The following EPB41L5 variants were observed in gnomAD, a reference collection of about 807,000 sequenced individuals.
EPB41L5 encodes erythrocyte membrane protein band 4.1 like 5.
A neutral mutation model predicts 106.6 loss-of-function variants in EPB41L5; 55 were observed. That is an observed-to-expected ratio of 0.52 (90% confidence interval 0.42 to 0.65). The LOEUF (loss-of-function observed/expected upper bound fraction) is 0.65, where lower values mean the gene tolerates loss of function less well. Ranked by LOEUF, EPB41L5 falls within the 30% of genes least tolerant of loss-of-function variation. The pLI, the probability that EPB41L5 is intolerant of heterozygous loss-of-function variation, is 0.00. For synonymous variants in EPB41L5, 297 were observed against 306.7 expected (o/e 0.97, Z 0.33); for missense variants, 871 against 882.1 (o/e 0.99, Z 0.16).
In EPB41L5 at chr2:120,078,590, G is replaced by A. The variant is rs548380845; in HGVS notation, c.803+9G>A. ...ATTGGCTTATTTTTTTGGTAAGCAAGAGTTATTGTCAAAGATACTTACTGT... is the reference window on the plus strand; with the variant it reads ...ATTGGCTTATTTTTTTGGTAAGCAAAAGTTATTGTCAAAGATACTTACTGT... On this transcript the variant is annotated intron_variant, in intron 10 of 24. Transcript: ENST00000263713. 84 of 1,582,464 alleles carry A rather than the reference G, an allele frequency of 5.3e-5. 1 individual carries two copies. In the South Asian group the frequency reaches 9.0e-4, roughly 17 times the overall value.
intron 14 of EPB41L5, among the ~76,000 whole-genome samples, chr2:120,094,107 C>T (rs1713074): frequency 0.26 from 39,628 of 152,006 alleles, 5,576 homozygotes; most frequent in African/African-American, 0.35. Context: ...CCACCTCTGC[C>T]TCCCAAGTAG....
intron 2 of EPB41L5, among the ~76,000 whole-genome samples, chr2:120,023,542 A>G (rs1046790731): frequency 2.0e-5 from 3 of 152,010 alleles, no homozygotes; most frequent in Admixed American, 2.0e-4. Context: ...ATTGGTCCGT[A>G]TGTCTGTTTT....
intron 3 of EPB41L5, among the ~76,000 whole-genome samples, chr2:120,048,206 G>A (rs1365751201): frequency 6.6e-6 from 1 of 152,052 alleles, no homozygotes; most frequent in East Asian, 1.9e-4. Context: ...CTCTTTCTCT[G>A]TCAATTGGAA....
intron 1 of EPB41L5, among the ~76,000 whole-genome samples, chr2:120,014,857 AG>A (rs1021667028): frequency 1.3e-5 from 2 of 152,014 alleles, no homozygotes; most frequent in African/African-American, 4.8e-5. Flanking sequence ...ATTTTAGAAC[AG>A]GGATCAGATT....
At chr2:120,129,297 C>G (rs977525440) in intron 17 of EPB41L5, among the ~76,000 whole-genome samples, 1 of 150,734 alleles carries the variant, frequency 6.6e-6, no homozygotes, top group Non-Finnish European at 1.5e-5. Context: ...GATTGTGCCA[C>G]TGAGCTCCAG....
chr2:120,076,959 T>C lies in EPB41L5; in HGVS notation c.506-12T>C. On this transcript the variant is annotated splice_polypyrimidine_tract_variant and intron_variant, in intron 7 of 24. Coordinates refer to ENST00000263713, the MANE Select transcript of EPB41L5 (RefSeq NM_020909.4). The stretch of plus-strand genomic sequence containing the variant: ...AGGAAATACATATAACTTTTGAAAC[T>C]TATGTTTATAGCTGAACTTGGTGAC... 1 of 1,575,752 alleles carries C rather than the reference T, an allele frequency of 6.3e-7. No homozygotes were observed. Among genetic ancestry groups the C allele is most frequent in the Non-Finnish European group, 8.6e-7 (1 of 1,162,204 alleles).
chr2:120,108,217 T>C (rs996913425), intron 16 of EPB41L5: 2 of 152,090 alleles, frequency 1.3e-5, no homozygotes, highest in African/African-American at 2.4e-5. Context: ...CTGGCCAGCA[T>C]TGTGTTTATA....
At position 120,069,739 on chromosome 2, in the gene EPB41L5, G is replaced by T. The variant is rs1039189163; in HGVS notation, c.286-3439G>T. Among the ~76,000 whole-genome samples, 105 of 152,246 alleles carry T rather than the reference G, an allele frequency of 6.9e-4. 2 individuals are homozygous for T. Among genetic ancestry groups the T allele is most frequent in the African/African-American group, 2.3e-3 (97 of 41,540 alleles). On this transcript the variant is annotated intron_variant, in intron 3 of 24. Coordinates refer to ENST00000263713, the MANE Select transcript of EPB41L5 (RefSeq NM_020909.4). Reference sequence around the variant, plus strand: ...ACTACTGGGTAAATAATGAAATTAAGGCAGAAATCAGTAAGTTCTTTGAAA... The same window carrying T: ...ACTACTGGGTAAATAATGAAATTAATGCAGAAATCAGTAAGTTCTTTGAAA...
rs1343439480 is a variant in EPB41L5, at chr2:120,146,614, A to G, written c.1793+325A>G. ...CAGTAAACTTTCATGTCATCCTGTT[A>G]TCACAATGGCCTTGTTCTTATCAAC... On this transcript the variant is annotated intron_variant, in intron 20 of 24. Coordinates refer to ENST00000263713, the MANE Select transcript of EPB41L5 (RefSeq NM_020909.4). Among the ~76,000 whole-genome samples the G allele has an allele frequency of 1.3e-5, 2 of 152,238 alleles. 1 individual carries two copies. Among genetic ancestry groups the G allele is most frequent in the Admixed American group, 1.3e-4 (2 of 15,280 alleles).
chr2:120,139,410 T>C (rs1053131540), intron 18 of EPB41L5, among the ~76,000 whole-genome samples: 2 of 151,884 alleles, frequency 1.3e-5, no homozygotes, highest in Non-Finnish European at 2.9e-5. Flanking sequence ...TGGTAGAAAA[T>C]ATCTGCAAAT....
chr2:120,065,043 A>G (rs956046531), intron 3 of EPB41L5, among the ~76,000 whole-genome samples: 3 of 152,184 alleles, frequency 2.0e-5, no homozygotes, highest in Non-Finnish European at 4.4e-5. Context: ...ATTATATATA[A>G]GTAGAAAAGA....
At chr2:120,056,603 G>GTTTGCCAGTATTTGATGATTAT (rs1206716438) in intron 3 of EPB41L5, among the ~76,000 whole-genome samples, 1 of 151,306 alleles carries the variant, frequency 6.6e-6, no homozygotes, top group Non-Finnish European at 1.5e-5. Flanking sequence ...CTGACCATTG[G>GTTTGCCAGTATTTGATGATTAT]TTTGCCAGTA....
At chr2:120,079,688 T>C (rs895848920) in intron 10 of EPB41L5, among the ~76,000 whole-genome samples, 6 of 152,200 alleles carry the variant, frequency 3.9e-5, no homozygotes, top group Non-Finnish European at 8.8e-5. Context: ...AGCTATTTGT[T>C]TTTGTTCTAG....
At chr2:120,151,219 G>A (rs1686656473) in intron 20 of EPB41L5, among the ~76,000 whole-genome samples, 1 of 151,998 alleles carries the variant, frequency 6.6e-6, no homozygotes, top group Non-Finnish European at 1.5e-5. Flanking sequence ...AGAATGGCGT[G>A]AACCTGGGAG....
At chr2:120,032,865 C>T (rs1230857471) in intron 2 of EPB41L5, among the ~76,000 whole-genome samples, 1 of 152,060 alleles carries the variant, frequency 6.6e-6, no homozygotes, top group Non-Finnish European at 1.5e-5. Context: ...AGTTAAGAAC[C>T]TTGTGATTGC....
Position 120,164,880 on chromosome 2 carries a change from G to T in EPB41L5, c.1932G>T (p.Glu644Asp). 6.2e-7 allele frequency: 1 copy of T among 1,611,266 alleles called. No individual in the cohort carries two copies. Residue 644 changes from glutamate (E) to aspartate (D), a missense_variant, in exon 22 of 25, where the codon GAG becomes GAT. Glu to Asp is a conservative substitution (Grantham distance 45). Coordinates refer to ENST00000263713, the MANE Select transcript of EPB41L5 (RefSeq NM_020909.4). ...ATGCCTTGCTTGCATCTCTAACTGAGAATCTAATTGATCACACAGTTGCAC... is the reference window on the plus strand; with the variant it reads ...ATGCCTTGCTTGCATCTCTAACTGATAATCTAATTGATCACACAGTTGCAC... ...ELDALLASLT[E>D]NLIDHTVAPQ...
chr2:120,028,155 C>T (rs971050327), intron 2 of EPB41L5, among the ~76,000 whole-genome samples: 15 of 152,054 alleles, frequency 9.9e-5, no homozygotes, highest in African/African-American at 2.9e-4. Context: ...TGAGCCACCG[C>T]GCCCGGCCGG....
At chr2:120,044,600 T>A (rs180983864) in intron 3 of EPB41L5, among the ~76,000 whole-genome samples, 1 of 150,766 alleles carries the variant, frequency 6.6e-6, no homozygotes, top group Non-Finnish European at 1.5e-5. Context: ...AGTATTTAAG[T>A]AACTGTGGAA....
At chr2:120,052,280 TC>T (rs1157008296) in intron 3 of EPB41L5, among the ~76,000 whole-genome samples, 3 of 152,220 alleles carry the variant, frequency 2.0e-5, no homozygotes, top group African/African-American at 7.2e-5. Context: ...TGTCTGATGT[TC>T]CCTTATAAAG....
Sources: allele counts gnomAD v4.1 joint callset (sites outside exome capture counted in the v4.1 genomes callset), GRCh38; gene constraint gnomAD v4.1.1; transcripts MANE v1.5; gene names NCBI Gene and HGNC (gene_info 2026-07-23, HGNC 2026-07-21).